The following STPG1 variants were observed in gnomAD, a reference collection of about 807,000 sequenced individuals.
STPG1 encodes the protein sperm tail PG-rich repeat containing 1.
Under a neutral mutation model 40.1 loss-of-function variants are expected in STPG1, and 33 were observed. The ratio of observed to expected loss-of-function variants is 0.82; its 90% CI spans 0.62 to 1.10. The LOEUF is 1.10. STPG1 is among the 50% of genes least tolerant of loss of function. The probability of loss-of-function intolerance (pLI) is 0.00; values close to 1 mark genes in which losing one functional copy is unlikely to be tolerated. For missense variants in STPG1, 396 were observed against 415.1 expected, an observed-to-expected ratio of 0.95 and a Z score of 0.40; for synonymous variants, 150 against 155.0, an observed-to-expected ratio of 0.97 and a Z score of 0.24.
At chr1:24,363,871 A>G (rs1641282192) in intron 7 of STPG1, among the ~76,000 whole-genome samples, 1 of 152,166 alleles carries the variant, frequency 6.6e-6, no homozygotes, top group East Asian at 1.9e-4. Flanking sequence ...AGGAATTGGG[A>G]CACAAGGAGA....
intron 2 of STPG1, among the ~76,000 whole-genome samples, chr1:24,398,585 T>C (rs1643097287): frequency 6.6e-6 from 1 of 152,088 alleles, no homozygotes; most frequent in Non-Finnish European, 1.5e-5. Flanking sequence ...TACAAGATTG[T>C]GTATGGGGAA....
chr1:24,398,810 C>T (rs891419736), intron 2 of STPG1, among the ~76,000 whole-genome samples: 2 of 152,024 alleles, frequency 1.3e-5, no homozygotes, highest in African/African-American at 4.8e-5. Flanking sequence ...ACATAGAAAA[C>T]TCCAAAACAT....
In STPG1 at chr1:24,363,442, T is replaced by C. The variant is rs538076754; in HGVS notation, c.738-2401A>G. On this transcript the variant is annotated intron_variant, in intron 7 of 8. Coordinates refer to ENST00000337248, the MANE Select transcript of STPG1 (RefSeq NM_001199013.2). ...GACAATCCGCTGCCAGCAACAGCCA[T>C]GACTGGTGACAACTTCAGGCAGTAC... 1.3e-4 allele frequency among the ~76,000 whole-genome samples: 20 copies of C among 152,318 alleles called. No individual in the cohort carries two copies. The South Asian group carries it at 2.7e-3, about 21-fold the overall frequency.
At chr1:24,369,592 T>G in intron 7 of STPG1, 82 bp downstream of exon 7, 1 of 1,457,614 alleles carries the variant, frequency 6.9e-7, no homozygotes, top group Non-Finnish European at 9.3e-7. Context: ...TGCCAAGCAG[T>G]GACACCCCAT....
intron 6 of STPG1, among the ~76,000 whole-genome samples, chr1:24,371,606 A>T (rs2148687349): frequency 6.6e-6 from 1 of 151,924 alleles, no homozygotes; most frequent in South Asian, 2.1e-4. Flanking sequence ...AAAAAAAAAA[A>T]ATGTTCCCAG....
chr1:24,373,957 G>T, intron 5 of STPG1, 147 bp from the exon 6 acceptor site: 1 of 609,438 alleles, frequency 1.6e-6, no homozygotes, highest in Non-Finnish European at 3.0e-6. Flanking sequence ...AGCTGTAAAC[G>T]TCACACTGGC....
chr1:24,358,457 G>T lies in STPG1; in HGVS notation c.*86C>A. 3 of 1,168,390 alleles carry T rather than the reference G, an allele frequency of 2.6e-6. No homozygotes were observed. Among genetic ancestry groups the T allele is most frequent in the South Asian group, 1.2e-5 (1 of 81,950 alleles). 72.4% of individuals were successfully genotyped at this position (1,168,390 alleles called of 1,614,324 possible). On this transcript the variant is annotated 3_prime_UTR_variant, in exon 9 of 9. Coordinates refer to ENST00000337248, the MANE Select transcript of STPG1 (RefSeq NM_001199013.2). The stretch of plus-strand genomic sequence containing the variant: ...CCAAGTTGTCAGCTGCCACACTCAT[G>T]ATCGGTCTCCTCCTGAGGAATGTCC...
chr1:24,394,034 T>C (rs1306003160), intron 2 of STPG1, among the ~76,000 whole-genome samples: 1 of 152,214 alleles, frequency 6.6e-6, no homozygotes, highest in Non-Finnish European at 1.5e-5. Flanking sequence ...TGGAGAGCTA[T>C]GGAGCTCTGC....
Position 24,386,565 on chromosome 1 carries a change from ATGG to A in STPG1, c.190-2565_190-2563del, listed in dbSNP as rs549793922. On this transcript the variant is annotated intron_variant, in intron 3 of 8. Transcript: ENST00000337248. ...CAGCACTTTTCTTCGAGGAGGGTAA[ATGG>A]TGGTTGACCAGCACACCACCGCCTT... Among the ~76,000 whole-genome samples, 228 of 152,336 alleles carry A rather than the reference ATGG, an allele frequency of 1.5e-3. 1 individual carries two copies. The highest frequency in any genetic ancestry group is 5.2e-3 in the African/African-American group (215 of 41,578).
intron 1 of STPG1, among the ~76,000 whole-genome samples, chr1:24,411,363 A>G (rs1643625722): frequency 6.6e-6 from 1 of 152,190 alleles, no homozygotes; most frequent in Admixed American, 6.5e-5. Flanking sequence ...AACCTCTATA[A>G]TAACCTCTCA....
chr1:24,383,958 G>T lies in STPG1; in HGVS notation c.235C>A (p.Pro79Thr). 1 of 1,614,076 alleles carries T rather than the reference G, an allele frequency of 6.2e-7. No individual in the cohort carries two copies. The highest frequency in any genetic ancestry group is 2.2e-5 in the East Asian group (1 of 44,884). ...GACAATGAGACACTGTTGGACACCGGTGACTGGTGAATAACATTGTAGAAC... is the reference window on the plus strand; with the variant it reads ...GACAATGAGACACTGTTGGACACCGTTGACTGGTGAATAACATTGTAGAAC... ...PGFYNVIHQS[P>T]VSNSVSLSKK... The change falls in exon 4 of 9, where the codon CCG (proline) becomes ACG (threonine). Residue 79 changes from proline to threonine, a missense_variant. By Grantham distance (38) the Pro-to-Thr change is conservative (BLOSUM62 -1). Coordinates refer to ENST00000337248, the MANE Select transcript of STPG1 (RefSeq NM_001199013.2).
In STPG1 at chr1:24,393,289, C is replaced by T. The variant is rs142849634; in HGVS notation, c.71-1610G>A. Among the ~76,000 whole-genome samples, 498 of 152,246 alleles carry T rather than the reference C, an allele frequency of 3.3e-3. 7 individuals carry two copies. Among genetic ancestry groups the T allele is most frequent in the African/African-American group, 0.011 (443 of 41,542 alleles). Reference sequence around the variant, plus strand: ...TGAAGCAAGTAAAAGGAGCTGAATACGTGTTTAAGTAGAAAATATTTGGGG... The same window carrying T: ...TGAAGCAAGTAAAAGGAGCTGAATATGTGTTTAAGTAGAAAATATTTGGGG... On this transcript the variant is annotated intron_variant, in intron 2 of 8. Coordinates refer to ENST00000337248, the MANE Select transcript of STPG1 (RefSeq NM_001199013.2).
intron 2 of STPG1, among the ~76,000 whole-genome samples, chr1:24,395,896 T>C (rs1252321925): frequency 4.6e-5 from 7 of 151,772 alleles, no homozygotes; most frequent in African/African-American, 2.4e-5. Context: ...ATCAGGAGAA[T>C]TGCTTGAACC....
At chr1:24,369,548 G>A (rs774200919) in intron 7 of STPG1, 126 bp downstream of exon 7, 27 of 980,882 alleles carry the variant, frequency 2.8e-5, no homozygotes, top group Non-Finnish European at 3.6e-5. Flanking sequence ...GTGTGACTAA[G>A]GGCCCCTGAA....
At chr1:24,390,347 G>A (rs1335441742) in intron 3 of STPG1, among the ~76,000 whole-genome samples, 1 of 152,178 alleles carries the variant, frequency 6.6e-6, no homozygotes, top group Non-Finnish European at 1.5e-5. Context: ...GGTTAGAGAG[G>A]AAAAGAGATG....
At chr1:24,360,359 G>A (rs1312788427) in intron 8 of STPG1, among the ~76,000 whole-genome samples, 1 of 152,168 alleles carries the variant, frequency 6.6e-6, no homozygotes, top group Non-Finnish European at 1.5e-5. Context: ...TGAGGCATGA[G>A]AATTGCCTGA....
At chr1:24,364,970 A>C (rs1641360873) in intron 7 of STPG1, among the ~76,000 whole-genome samples, 1 of 152,040 alleles carries the variant, frequency 6.6e-6, no homozygotes, top group Non-Finnish European at 1.5e-5. Flanking sequence ...CCCTCCAGAC[A>C]CTCCCAGGCA....
At position 24,369,753 on chromosome 1, in the gene STPG1, T is replaced by G. The variant is rs1355991670; in HGVS notation, c.658A>C (p.Lys220Gln). The G allele has an allele frequency of 1.2e-6, 2 of 1,613,452 alleles. No individual in the cohort carries two copies. The highest frequency in any genetic ancestry group is 2.2e-5 in the East Asian group (1 of 44,854). The change falls in exon 7 of 9, where the codon AAA becomes CAA. Residue 220 changes from lysine (K) to glutamine (Q), a missense_variant. Lys to Gln is a moderately conservative substitution (Grantham distance 53). Coordinates refer to ENST00000337248, the MANE Select transcript of STPG1 (RefSeq NM_001199013.2). ...CFKSKTNRGLKLTSTGPGPGY... is the reference protein window; with the variant it reads ...CFKSKTNRGLQLTSTGPGPGY... ...GGTCCCGGGCCTGTTGACGTCAGTT[T>G]TAATCCACGGTTGGTTTTTGATTTA...
At chr1:24,391,754 T>G in intron 2 of STPG1, 75 bp from the exon 3 acceptor site, 1 of 1,212,354 alleles carries the variant, frequency 8.2e-7, no homozygotes, top group South Asian at 1.7e-5. Flanking sequence ...CACAAAGGTG[T>G]ATATTAAAGT....
Sources: gnomAD v4.1 joint callset for allele counts (sites outside exome capture counted in the v4.1 genomes callset) on GRCh38, gnomAD v4.1.1 for gene constraint, MANE v1.5 for transcripts, NCBI Gene and HGNC (gene_info 2026-07-23, HGNC 2026-07-21) for gene names.